EP400: variants seen among roughly 807,000 people sequenced by gnomAD.
The protein encoded by EP400 is E1A-binding protein p400.
A neutral mutation model predicts 354.1 loss-of-function variants in EP400; 105 were observed. The observed-to-expected ratio is 0.30, with a 90% CI of 0.25 to 0.35. EP400 has a LOEUF of 0.35. Among genes scored for constraint, EP400 ranks in the 10% least tolerant of loss-of-function variants. The pLI is 1.00. For synonymous variants in EP400, 1,646 were observed against 1,716.9 expected, an observed-to-expected ratio of 0.96 and a Z score of 1.02; for missense variants, 3,280 against 4,121.0, an observed-to-expected ratio of 0.80 and a Z score of 5.59.
intron 32 of EP400, among the ~76,000 whole-genome samples, chr12:132,039,087 C>T (rs1894809718): frequency 6.6e-6 from 1 of 152,116 alleles, no homozygotes; most frequent in South Asian, 2.1e-4. Context: ...AGCCTCCCAG[C>T]CTCATGGTGT....
In EP400 at chr12:132,020,182, C is replaced by T; in HGVS notation, c.4411C>T (p.Pro1471Ser). Residue 1471 changes from proline (P) to serine (S), a missense_variant, in exon 22 of 53, where the codon CCC becomes TCC. Around this residue, in one of 20 missense-constraint regions of EP400, gnomAD observed 342 missense variants for 342.7 expected, o/e 1.00. Coordinates refer to ENST00000389561, the MANE Select transcript of EP400 (RefSeq NM_015409.5). ...APQGPLRGRP[P>S]IATFSANPEA... ...ACAGGGCCCGCTTCGAGGACGGCCG[C>T]CCATCGCCACGTTCTCTGCCAATCC... 6.2e-7 allele frequency: 1 copy of T among 1,610,226 alleles called. No individual in the cohort carries two copies. Among genetic ancestry groups the T allele is most frequent in the Non-Finnish European group, 8.5e-7 (1 of 1,178,468 alleles).
At chr12:132,051,424 T>A (rs1895284881) in intron 41 of EP400, among the ~76,000 whole-genome samples, 1 of 152,118 alleles carries the variant, frequency 6.6e-6, no homozygotes, top group African/African-American at 2.4e-5. Flanking sequence ...AATGCCAGGC[T>A]GCACTGATAT....
chr12:132,037,656 T>G, intron 30 of EP400, 26 bp from the exon 31 acceptor site: 2 of 1,593,260 alleles, frequency 1.3e-6, no homozygotes, highest in Non-Finnish European at 1.7e-6. Context: ...GTGACTGACT[T>G]AGCATCTTAC....
intron 39 of EP400, among the ~76,000 whole-genome samples, chr12:132,048,144 T>A (rs1329469283): frequency 6.6e-6 from 1 of 152,124 alleles, no homozygotes; most frequent in Non-Finnish European, 1.5e-5. Flanking sequence ...TTTGTGCAGT[T>A]AACAAAATCA....
chr12:131,981,297 C>T (rs1409806640), intron 3 of EP400, among the ~76,000 whole-genome samples, 192 bp from the exon 4 acceptor site: 1 of 152,114 alleles, frequency 6.6e-6, no homozygotes, highest in South Asian at 2.1e-4. Context: ...TTTCATGATG[C>T]TTTTTCTTAT....
chr12:132,034,389 T>C (rs148323470), intron 30 of EP400, among the ~76,000 whole-genome samples: 1 of 152,222 alleles, frequency 6.6e-6, no homozygotes, highest in Admixed American at 6.5e-5. Flanking sequence ...CATGAACATG[T>C]GAAGTTTCTC....
chr12:131,977,691 T>G (rs147826314), intron 2 of EP400, among the ~76,000 whole-genome samples: 5 of 152,248 alleles, frequency 3.3e-5, no homozygotes, highest in African/African-American at 1.2e-4. Context: ...TTCCTCCCTC[T>G]CTTTGTCCAT....
At chr12:131,993,551 A>G (rs1301772500) in intron 11 of EP400, among the ~76,000 whole-genome samples, 1 of 152,204 alleles carries the variant, frequency 6.6e-6, no homozygotes, top group Non-Finnish European at 1.5e-5. Context: ...ATTTTCTCAC[A>G]TTCTCAGGAG....
intron 25 of EP400, among the ~76,000 whole-genome samples, chr12:132,026,490 G>C (rs965375692): frequency 1.3e-4 from 20 of 152,190 alleles, no homozygotes; most frequent in African/African-American, 4.6e-4. Context: ...AGGCTGGAGT[G>C]GGGAGGGGCC....
intron 1 of EP400, among the ~76,000 whole-genome samples, chr12:131,950,397 G>T (rs1005596503): frequency 6.6e-6 from 1 of 152,220 alleles, no homozygotes; most frequent in African/African-American, 2.4e-5. Context: ...GGTTCTCGGG[G>T]CTGAGGGGGT....
At chr12:132,024,436 C>T (rs985492940) in intron 24 of EP400, among the ~76,000 whole-genome samples, 1 of 152,076 alleles carries the variant, frequency 6.6e-6, no homozygotes, top group African/African-American at 2.4e-5. Context: ...ACAAATTGTC[C>T]CTAAAACACC....
intron 30 of EP400, among the ~76,000 whole-genome samples, chr12:132,036,609 C>T (rs1237321696): frequency 6.6e-6 from 1 of 152,280 alleles, no homozygotes; most frequent in Non-Finnish European, 1.5e-5. Flanking sequence ...GTCACACGTG[C>T]AGCAGCACCT....
intron 2 of EP400, among the ~76,000 whole-genome samples, chr12:131,969,882 C>T (rs1422099473): frequency 1.3e-5 from 2 of 151,988 alleles, no homozygotes; most frequent in Admixed American, 1.3e-4. Flanking sequence ...AAACAGTGTA[C>T]TAAAAAACAC....
At chr12:132,034,868 G>A (rs890405628) in intron 30 of EP400, among the ~76,000 whole-genome samples, 1 of 152,186 alleles carries the variant, frequency 6.6e-6, no homozygotes, top group Admixed American at 6.5e-5. Flanking sequence ...CCGAGAGCTG[G>A]AAGGGACCGC....
intron 1 of EP400, among the ~76,000 whole-genome samples, chr12:131,959,596 G>C (rs1457894442): frequency 6.6e-6 from 1 of 152,200 alleles, no homozygotes; most frequent in Non-Finnish European, 1.5e-5. Context: ...TTGGGTTACA[G>C]CTCCTTTGAG....
intron 32 of EP400, among the ~76,000 whole-genome samples, chr12:132,042,723 G>T (rs1173156302): frequency 6.6e-6 from 1 of 152,202 alleles, no homozygotes; most frequent in Non-Finnish European, 1.5e-5. Flanking sequence ...AACTATAGAT[G>T]TGTGTTCCTA....
Position 132,067,013 on chromosome 12 carries a change from T to C in EP400, c.8749+44T>C, listed in dbSNP as rs373726913. On this transcript the variant is annotated intron_variant, in intron 49 of 52. Coordinates refer to ENST00000389561, the MANE Select transcript of EP400 (RefSeq NM_015409.5). This position sits in a 1 kb window ranked among gnomAD's most constrained non-coding sequence, Gnocchi z 5.3. ...CCTCCCGTCCTGGGCTTGAGCCTGG[T>C]TTCACAGGCCTCTCTGGTGGCAGTG... 181 of 1,512,288 alleles carry C rather than the reference T, an allele frequency of 1.2e-4. No homozygotes were observed. In the Middle Eastern group the frequency reaches 1.7e-3, roughly 14 times the overall value. The allele number at this position is 1,512,288 out of a possible 1,614,324, so 93.7% of individuals were successfully genotyped here.
intron 30 of EP400, among the ~76,000 whole-genome samples, chr12:132,035,799 CA>C (rs891545146): frequency 1.3e-5 from 2 of 148,766 alleles, no homozygotes; most frequent in Non-Finnish European, 3.0e-5. Flanking sequence ...CGTGGAAGGA[CA>C]TACCCAGGTT....
intron 2 of EP400, among the ~76,000 whole-genome samples, chr12:131,974,913 C>T (rs1892417296): frequency 6.8e-6 from 1 of 147,000 alleles, no homozygotes; most frequent in South Asian, 2.1e-4. Context: ...TTGCTTGAAC[C>T]CGGGAGGCAG....
Sources: allele counts gnomAD v4.1 joint callset (sites outside exome capture counted in the v4.1 genomes callset), GRCh38; gene constraint gnomAD v4.1.1; regional missense constraint gnomAD v4.1.1; non-coding constraint Gnocchi (gnomAD v3.1); transcripts MANE v1.5; gene names NCBI Gene and HGNC (gene_info 2026-07-23, HGNC 2026-07-21).